The following CFAP57 variants were observed in gnomAD, a reference collection of about 807,000 sequenced individuals.
The protein encoded by CFAP57 is cilia and flagella associated protein 57, also known as cilia- and flagella-associated protein 57.
CFAP57 carries 116 observed loss-of-function variants against 146.8 expected under a neutral mutation model. That is an observed-to-expected ratio of 0.79 (90% CI 0.68 to 0.92). The LOEUF is 0.92. Ranked by LOEUF, CFAP57 falls within the 40% of genes least tolerant of loss-of-function variation. CFAP57 has a pLI of 0.00. For synonymous variants in CFAP57, 518 were observed against 552.8 expected (o/e 0.94, Z 0.88); for missense variants, 1,377 against 1,527.2 (o/e 0.90, Z 1.64).
At chr1:43,190,751 G>GT (rs942627664) in intron 6 of CFAP57, among the ~76,000 whole-genome samples, 6 of 150,820 alleles carry the variant, frequency 4.0e-5, no homozygotes, top group Non-Finnish European at 8.9e-5. Flanking sequence ...GTGAGTTTTC[G>GT]TTTTTTACTT....
intron 4 of CFAP57, 197 bp from the exon 5 acceptor site, chr1:43,184,952 C>T (rs1454749860): frequency 1.6e-6 from 1 of 610,804 alleles, no homozygotes; most frequent in Admixed American, 2.4e-5. Flanking sequence ...ACGCCCCAAG[C>T]ACTCTCTTGC....
At position 43,201,748 on chromosome 1, in the gene CFAP57, TG is replaced by T. The variant is rs1305627703; in HGVS notation, c.1542+2248del. Among the ~76,000 whole-genome samples, 1 of 152,230 alleles carries T rather than the reference TG, an allele frequency of 6.6e-6. No individual in the cohort carries two copies. The highest frequency in any genetic ancestry group is 1.5e-5 in the Non-Finnish European group (1 of 68,036). ...CTCCTGCCTCAGCCTCCTGAGTAGC[TG>T]GGATTACAGGCATGTACCACCACAC... On this transcript the variant is annotated intron_variant, in intron 9 of 22. Transcript: ENST00000372492. This position sits in a 1 kb window ranked among gnomAD's most constrained non-coding sequence, Gnocchi z 4.4.
chr1:43,242,869 ATAAT>A (rs1394838914), intron 21 of CFAP57, among the ~76,000 whole-genome samples: 3 of 151,768 alleles, frequency 2.0e-5, no homozygotes, highest in Admixed American at 1.3e-4. Context: ...TTATATATAT[ATAAT>A]ATAATAGCCA....
At chr1:43,178,679 T>G (rs927418508) in intron 2 of CFAP57, among the ~76,000 whole-genome samples, 1 of 152,204 alleles carries the variant, frequency 6.6e-6, no homozygotes, top group African/African-American at 2.4e-5. Context: ...ACTTTTACAT[T>G]GTTGGTGGGA....
intron 22 of CFAP57, among the ~76,000 whole-genome samples, chr1:43,249,180 G>A (rs556798608): frequency 4.9e-4 from 75 of 151,672 alleles, no homozygotes; most frequent in South Asian, 2.7e-3. Flanking sequence ...GATTATAGGC[G>A]TGAGCTGCCG....
At chr1:43,203,066 G>A (rs778604021) in intron 9 of CFAP57, among the ~76,000 whole-genome samples, 12 of 151,244 alleles carry the variant, frequency 7.9e-5, no homozygotes, top group Non-Finnish European at 1.5e-4. Context: ...CCAGCTACTC[G>A]GGAGGCTGAG....
Position 43,206,869 on chromosome 1 carries a change from C to G in CFAP57, c.1692C>G (p.Pro564=). The G allele has an allele frequency of 6.2e-7, 1 of 1,614,142 alleles. No homozygotes were observed. The highest frequency in any genetic ancestry group is 8.5e-7 in the Non-Finnish European group (1 of 1,180,030). ...SCSYNCVTVS[P]DAKIIFAVGS... ...GCTACAACTGTGTTACTGTCTCCCC[C>G]GATGCCAAAATTATCTTTGCTGTTG... Residue 564 remains proline (P), a synonymous_variant, in exon 10 of 23, where the codon CCC becomes CCG. Coordinates refer to ENST00000372492, the MANE Select transcript of CFAP57 (RefSeq NM_001378189.1).
At chr1:43,222,411 T>C in intron 15 of CFAP57, 116 bp downstream of exon 15, 4 of 923,500 alleles carry the variant, frequency 4.3e-6, no homozygotes, top group Non-Finnish European at 5.9e-6. Flanking sequence ...GGGTCAGACA[T>C]GGTTTCTACC....
At chr1:43,192,134 T>C (rs1557748499) in intron 6 of CFAP57, among the ~76,000 whole-genome samples, 1 of 152,184 alleles carries the variant, frequency 6.6e-6, no homozygotes, top group Non-Finnish European at 1.5e-5. Context: ...TTAAATTTAT[T>C]AAGGTTTGTT....
intron 21 of CFAP57, among the ~76,000 whole-genome samples, chr1:43,237,471 C>A (rs188034023): frequency 6.6e-6 from 1 of 152,188 alleles, no homozygotes; most frequent in Non-Finnish European, 1.5e-5. Context: ...AGGAGTTAAT[C>A]ATTGGGAACC....
intron 22 of CFAP57, among the ~76,000 whole-genome samples, chr1:43,248,267 C>A (rs1646189411): frequency 6.6e-6 from 1 of 151,450 alleles, no homozygotes; most frequent in African/African-American, 2.4e-5. Flanking sequence ...ATCTTCATAT[C>A]CATAACTTTC....
At chr1:43,197,466 T>G in intron 6 of CFAP57, 87 bp from the exon 7 acceptor site, 1 of 1,569,952 alleles carries the variant, frequency 6.4e-7, no homozygotes, top group Non-Finnish European at 8.8e-7. Flanking sequence ...CCAGGCTAAT[T>G]AATGTTCATG....
chr1:43,195,064 A>G (rs1643777027), intron 6 of CFAP57: 1 of 152,240 alleles, frequency 6.6e-6, no homozygotes, highest in South Asian at 2.1e-4. Context: ...TTCTGAGGAC[A>G]GGGGAAAATG....
intron 13 of CFAP57, among the ~76,000 whole-genome samples, chr1:43,220,864 T>A (rs192850346): frequency 1.3e-5 from 2 of 152,268 alleles, no homozygotes; most frequent in East Asian, 3.9e-4. Flanking sequence ...ACTTTATAAT[T>A]TTATTCATTT....
intron 12 of CFAP57, among the ~76,000 whole-genome samples, chr1:43,217,915 TG>T (rs1644897467): frequency 6.6e-6 from 1 of 152,200 alleles, no homozygotes; most frequent in Non-Finnish European, 1.5e-5. Context: ...GACGCAGTCT[TG>T]GCTGCCCCTT....
At chr1:43,229,028 G>A (rs369398272) in intron 18 of CFAP57, among the ~76,000 whole-genome samples, 6 of 148,560 alleles carry the variant, frequency 4.0e-5, no homozygotes, top group Admixed American at 1.3e-4. Flanking sequence ...TCACTTTGGG[G>A]GTTAGGTTTC....
At chr1:43,220,256 A>AT (rs1644993728) in intron 13 of CFAP57, among the ~76,000 whole-genome samples, 1 of 152,260 alleles carries the variant, frequency 6.6e-6, no homozygotes, top group African/African-American at 2.4e-5. Context: ...TGAAACGATA[A>AT]GAAAAAGCAA....
At position 43,187,377 on chromosome 1, in the gene CFAP57, A is replaced by T. The variant is rs141778683; in HGVS notation, c.1122+518A>T. ...GTACCTAATACCATAGATTCAAAAT[A>T]TATAAAGCAAATCTGGGCAGAACAA... is the stretch of plus-strand genomic sequence containing the variant. On this transcript the variant is annotated intron_variant, in intron 6 of 22. Transcript: ENST00000372492. 5.2e-3 allele frequency among the ~76,000 whole-genome samples: 786 copies of T among 152,328 alleles called. 3 individuals carry two copies. Among genetic ancestry groups the T allele is most frequent in the African/African-American group, 0.018 (752 of 41,592 alleles).
At chr1:43,221,961 A>G in intron 14 of CFAP57, 144 bp from the exon 15 acceptor site, 1 of 630,670 alleles carries the variant, frequency 1.6e-6, no homozygotes, top group East Asian at 3.2e-5. Context: ...GCAGCAAGGA[A>G]GCTAGGCAGG....
Sources: allele counts gnomAD v4.1 joint callset (sites outside exome capture counted in the v4.1 genomes callset), GRCh38; gene constraint gnomAD v4.1.1; non-coding constraint Gnocchi (gnomAD v3.1); transcripts MANE v1.5; gene names NCBI Gene and HGNC (gene_info 2026-07-23, HGNC 2026-07-21).